The following TRIM9 variants were observed in gnomAD, a reference collection of about 807,000 sequenced individuals.
The protein encoded by TRIM9 is E3 ubiquitin-protein ligase TRIM9.
In TRIM9, 26 loss-of-function variants were observed where a neutral mutation model predicts 78.3. That is an observed-to-expected ratio of 0.33 (90% CI 0.24 to 0.46). TRIM9 has a LOEUF of 0.46. TRIM9 is among the 20% of genes least tolerant of loss of function. The pLI is 1.00. For missense variants in TRIM9, 787 were observed against 1,036.4 expected (o/e 0.76, Z 3.30); for synonymous variants, 398 against 416.5 (o/e 0.96, Z 0.54).
rs2060242558 is a variant in TRIM9 at position 51,049,746 on chromosome 14, AC to A, written c.823-24387del. ...GAGATTGAGGCAGAGAATTGCTTGA[AC>A]CCAGGAGGCAGAGGTTGCAGTGAGC... On this transcript the variant is annotated intron_variant, in intron 1 of 12. Coordinates refer to ENST00000684578, the MANE Select transcript of TRIM9 (RefSeq NM_001387360.1). Among the ~76,000 whole-genome samples the A allele has an allele frequency of 2.6e-5, 4 of 150,982 alleles. No homozygotes were observed. In the South Asian group the frequency reaches 8.4e-4, roughly 32 times the overall value.
intron 5 of TRIM9, among the ~76,000 whole-genome samples, chr14:51,003,921 A>C (rs1330099177): frequency 1.3e-5 from 2 of 152,230 alleles, no homozygotes; most frequent in African/African-American, 4.8e-5. Context: ...ACATTCTAGA[A>C]AAATATATTT....
At chr14:51,076,503 T>A (rs1276706057) in intron 1 of TRIM9, among the ~76,000 whole-genome samples, 1 of 152,220 alleles carries the variant, frequency 6.6e-6, no homozygotes, top group African/African-American at 2.4e-5. Context: ...GGTACCCCTC[T>A]ATCTGTATAG....
At chr14:50,987,518 A>G (rs1207544563) in intron 7 of TRIM9, among the ~76,000 whole-genome samples, 1 of 152,222 alleles carries the variant, frequency 6.6e-6, no homozygotes, top group Non-Finnish European at 1.5e-5. Context: ...CTATTTATGG[A>G]GTCAAGACTT....
chr14:51,086,768 G>C (rs2063791364), intron 1 of TRIM9, among the ~76,000 whole-genome samples: 1 of 151,840 alleles, frequency 6.6e-6, no homozygotes. Context: ...AAGAGGAAGG[G>C]GACTGAAATG....
chr14:50,978,506 G>T (rs1484642405), intron 12 of TRIM9, among the ~76,000 whole-genome samples: 1 of 152,108 alleles, frequency 6.6e-6, no homozygotes, highest in African/African-American at 2.4e-5. Context: ...TGTTCCCTCT[G>T]TCTGGAAGGC....
intron 7 of TRIM9, among the ~76,000 whole-genome samples, chr14:50,991,707 T>C (rs1046914827): frequency 4.6e-5 from 7 of 152,312 alleles, no homozygotes; most frequent in Admixed American, 4.6e-4. Context: ...GAAACAACTT[T>C]CAACAGCAGT....
Position 51,080,313 on chromosome 14 carries a change from C to T in TRIM9, c.822+13805G>A, listed in dbSNP as rs2063181034. Reference sequence around the variant, plus strand: ...ATAACTTCCCCTTAAAGAGAGAAAACAATGTTAATGTAAACTTTGATAGTT... The same window carrying T: ...ATAACTTCCCCTTAAAGAGAGAAAATAATGTTAATGTAAACTTTGATAGTT... On this transcript the variant is annotated intron_variant, in intron 1 of 12. Coordinates refer to ENST00000684578, the MANE Select transcript of TRIM9 (RefSeq NM_001387360.1). Among the ~76,000 whole-genome samples, 3 of 151,180 alleles carry T rather than the reference C, an allele frequency of 2.0e-5. No homozygotes were observed. In the South Asian group the frequency reaches 6.3e-4, roughly 32 times the overall value.
chr14:50,985,935 G>A (rs1294299393), intron 8 of TRIM9, 21 bp downstream of exon 8: 1 of 1,500,696 alleles, frequency 6.7e-7, no homozygotes. Context: ...CAAGGGGAAA[G>A]GTCTGAGGAG....
chr14:51,007,462 G>C (rs1307009007), intron 5 of TRIM9, among the ~76,000 whole-genome samples: 12 of 152,194 alleles, frequency 7.9e-5, no homozygotes, highest in Admixed American at 7.9e-4. Context: ...CTGAAGAAGT[G>C]GCTCAGTGTG....
intron 1 of TRIM9, among the ~76,000 whole-genome samples, chr14:51,059,124 C>A (rs909233707): frequency 3.7e-4 from 57 of 152,352 alleles, no homozygotes; most frequent in Non-Finnish European, 3.4e-4. Context: ...CCCACCTCCA[C>A]AATGGTCCTG....
intron 1 of TRIM9, among the ~76,000 whole-genome samples, chr14:51,036,662 A>G (rs552660074): frequency 1.3e-5 from 2 of 152,366 alleles, no homozygotes; most frequent in African/African-American, 4.8e-5. Context: ...TGATCAGTAC[A>G]GGCTCAATTA....
chr14:51,032,365 T>C (rs137996573), intron 1 of TRIM9, among the ~76,000 whole-genome samples: 1 of 152,354 alleles, frequency 6.6e-6, no homozygotes, highest in African/African-American at 2.4e-5. Context: ...TCAAAGACTA[T>C]GCATCCTTCT....
chr14:51,066,735 G>A (rs1174551154), intron 1 of TRIM9, among the ~76,000 whole-genome samples: 1 of 152,250 alleles, frequency 6.6e-6, no homozygotes, highest in Non-Finnish European at 1.5e-5. Flanking sequence ...AAATGGAAAT[G>A]AGGTGCAGAA....
chr14:51,019,354 T>C (rs2057526451), intron 3 of TRIM9, among the ~76,000 whole-genome samples: 1 of 152,238 alleles, frequency 6.6e-6, no homozygotes, highest in Non-Finnish European at 1.5e-5. Flanking sequence ...AAATAGATAT[T>C]TGGCTCCCAG....
At chr14:50,993,373 T>TTC (rs1266902119) in intron 7 of TRIM9, among the ~76,000 whole-genome samples, 1 of 145,572 alleles carries the variant, frequency 6.9e-6, no homozygotes, top group East Asian at 2.0e-4. Context: ...ACAAGACTCT[T>TTC]TTTTTTTTTT....
intron 7 of TRIM9, chr14:50,997,529 G>A: frequency 1.0e-6 from 1 of 986,918 alleles, no homozygotes; most frequent in Non-Finnish European, 1.2e-6. Flanking sequence ...TAAGCCAGGA[G>A]CAGCCAACAG....
chr14:50,997,779 C>T, intron 7 of TRIM9: 1 of 1,358,892 alleles, frequency 7.4e-7, no homozygotes, highest in South Asian at 2.0e-5. Flanking sequence ...CATTTTTCAG[C>T]TTCTTCAACT....
At chr14:51,005,971 AAATACGTAAAAGCC>A (rs1269969955) in intron 5 of TRIM9, among the ~76,000 whole-genome samples, 1 of 152,218 alleles carries the variant, frequency 6.6e-6, no homozygotes, top group Non-Finnish European at 1.5e-5. Context: ...GTCTGAGTGA[AAATACGTAAAAGCC>A]AACTGCAAAC....
chr14:50,986,347 A>G, intron 7 of TRIM9: 1 of 389,400 alleles, frequency 2.6e-6, no homozygotes, highest in Non-Finnish European at 4.5e-6. Context: ...ACCAGAGGAC[A>G]CCTCGAACAA....
Sources: allele counts gnomAD v4.1 joint callset (sites outside exome capture counted in the v4.1 genomes callset), GRCh38; gene constraint gnomAD v4.1.1; transcripts MANE v1.5; gene names NCBI Gene and HGNC (gene_info 2026-07-23, HGNC 2026-07-21).